SYNE2: variants seen among roughly 807,000 people sequenced by gnomAD.
The protein encoded by SYNE2 is spectrin repeat containing nuclear envelope protein 2, also known as nesprin-2.
In SYNE2, 431 loss-of-function variants were observed where a neutral mutation model predicts 856.3. The ratio of observed to expected loss-of-function variants is 0.50; its 90% CI spans 0.47 to 0.55. The LOEUF (loss-of-function observed/expected upper bound fraction) is 0.55. Ranked by LOEUF, SYNE2 falls within the 20% of genes least tolerant of loss-of-function variation. SYNE2 has a pLI of 0.00. For synonymous variants in SYNE2, 2,923 were observed against 2,872.3 expected, an observed-to-expected ratio of 1.02 and a Z score of -0.56; for missense variants, 8,129 against 8,023.2, an observed-to-expected ratio of 1.01 and a Z score of -0.50.
chr14:64,167,184 G>A, intron 90 of SYNE2, 49 bp from the exon 91 acceptor site: 1 of 1,612,164 alleles, frequency 6.2e-7, no homozygotes, highest in Non-Finnish European at 8.5e-7. Flanking sequence ...TTGTCATCTA[G>A]ATATCTTATT....
intron 11 of SYNE2, among the ~76,000 whole-genome samples, chr14:63,969,580 A>G (rs1482980175): frequency 6.6e-6 from 1 of 151,712 alleles, no homozygotes; most frequent in Non-Finnish European, 1.5e-5. Context: ...TGACCTCGTG[A>G]TCCACCCGCC....
Position 64,031,230 on chromosome 14 carries a change from G to C in SYNE2, c.7094G>C (p.Arg2365Pro), listed in dbSNP as rs1479401840. Residue 2365 changes from arginine (R) to proline (P), a missense_variant, in exon 45 of 116, where the codon CGC becomes CCC. This residue lies in a region of SYNE2 where 297 missense variants were observed against 380.9 expected (regional missense o/e 0.78). Transcript: ENST00000555002. ...CCLNSILKSK[R>P]STEKKGKFTL... is the part of the protein sequence containing the mutation. ...CTCAACAGCATTCTCAAATCAAAAC[G>C]CTCAACAGAAAAGAAAGGAAAGTTT... is the stretch of plus-strand genomic sequence containing the variant. 1 of 1,614,122 alleles carries C rather than the reference G, an allele frequency of 6.2e-7. No homozygotes were observed. The highest frequency in any genetic ancestry group is 8.5e-7 in the Non-Finnish European group (1 of 1,180,020).
intron 49 of SYNE2, 86 bp from the exon 50 acceptor site, chr14:64,062,665 G>A (rs184726627): frequency 2.3e-5 from 29 of 1,241,926 alleles, no homozygotes; most frequent in Non-Finnish European, 3.2e-5. Context: ...TAAAAATTAA[G>A]TGTGGAATAT....
Position 63,990,934 on chromosome 14 carries a change from T to G in SYNE2, c.2473-8T>G, listed in dbSNP as rs1226916181. The G allele has an allele frequency of 6.2e-7, 1 of 1,613,876 alleles. No individual in the cohort carries two copies. Among genetic ancestry groups the G allele is most frequent in the Non-Finnish European group, 8.5e-7 (1 of 1,179,786 alleles). On this transcript the variant is annotated splice_region_variant and splice_polypyrimidine_tract_variant and intron_variant, in intron 20 of 115. Coordinates refer to ENST00000555002, the MANE Select transcript of SYNE2 (RefSeq NM_182914.3). ...CCGTGTTAATTTGAGAATTTTTTTG[T>G]CTTCAAGATCAATGTGGTAAAACTC...
At chr14:64,086,134 G>A (rs999792901) in intron 57 of SYNE2, among the ~76,000 whole-genome samples, 62 of 152,296 alleles carry the variant, frequency 4.1e-4, no homozygotes, top group Non-Finnish European at 2.1e-4. Context: ...TAACTTGATA[G>A]TTTTAACTCT....
chr14:64,122,035 A>G lies in SYNE2; in HGVS notation c.13182A>G (p.Glu4394=). The G allele has an allele frequency of 1.9e-6, 3 of 1,613,826 alleles. No individual in the cohort carries two copies. Among genetic ancestry groups the G allele is most frequent in the Non-Finnish European group, 2.5e-6 (3 of 1,180,004 alleles). ...QQQVLELKPM[E]QKDFIKFIEF... ...AGGTTCTGGAGTTAAAACCAATGGA[A>G]CAGAAAGATTTCATCAAATTCATAG... is the stretch of plus-strand genomic sequence containing the variant. The change falls in exon 69 of 116, where the codon GAA becomes GAG. Residue 4394 remains glutamate (E), a synonymous_variant. Coordinates refer to ENST00000555002, the MANE Select transcript of SYNE2 (RefSeq NM_182914.3).
At chr14:63,925,949 G>T (rs1434884660) in intron 2 of SYNE2, among the ~76,000 whole-genome samples, 1 of 151,954 alleles carries the variant, frequency 6.6e-6, no homozygotes, top group Admixed American at 6.6e-5. Flanking sequence ...TGCCTCCTGG[G>T]CTCAAGCGAT....
chr14:64,225,767 T>G lies in SYNE2; in HGVS notation c.*241T>G. ...GGGTATTTTGGCAGAACTAGTTGAT[T>G]AGTTTAGGGATCTCTGGAAATGTCA... On this transcript the variant is annotated 3_prime_UTR_variant, in exon 116 of 116. Coordinates refer to ENST00000555002, the MANE Select transcript of SYNE2 (RefSeq NM_182914.3). 2 of 601,986 alleles carry G rather than the reference T, an allele frequency of 3.3e-6. No individual in the cohort carries two copies. Among genetic ancestry groups the G allele is most frequent in the East Asian group, 5.5e-5 (2 of 36,238 alleles). 37.3% of individuals were successfully genotyped at this position (601,986 alleles called of 1,614,324 possible). A position where few individuals can be genotyped will look rare whatever the true frequency, so the allele number is the denominator to read the frequency against.
intron 1 of SYNE2, among the ~76,000 whole-genome samples, chr14:63,904,493 A>T (rs2095381114): frequency 6.7e-6 from 1 of 149,216 alleles, no homozygotes; most frequent in South Asian, 2.2e-4. Context: ...CTGTTTTTTG[A>T]CTTTTAGTAG....
intron 1 of SYNE2, among the ~76,000 whole-genome samples, chr14:63,829,806 C>T (rs1436099549): frequency 2.0e-5 from 3 of 151,722 alleles, no homozygotes; most frequent in Admixed American, 1.3e-4. Context: ...TTGGGGTAGA[C>T]GGGGGTCTCA....
At chr14:64,170,522 C>G in intron 94 of SYNE2, 60 bp downstream of exon 94, 1 of 1,483,382 alleles carries the variant, frequency 6.7e-7, no homozygotes, top group African/African-American at 1.4e-5. Context: ...GCAAGATGTT[C>G]ATTCACCTTT....
At position 64,062,740 on chromosome 14, in the gene SYNE2, T is replaced by C. The variant is rs1159399803; in HGVS notation, c.10068-11T>C. 1 of 1,611,322 alleles carries C rather than the reference T, an allele frequency of 6.2e-7. No individual in the cohort carries two copies. The highest frequency in any genetic ancestry group is 1.1e-5 in the South Asian group (1 of 91,000). ...TTTAATACCACTTTTTTTCTAACTGTGACTCACTAGGTATCTTGAGAATTA... is the reference window on the plus strand; with the variant it reads ...TTTAATACCACTTTTTTTCTAACTGCGACTCACTAGGTATCTTGAGAATTA... On this transcript the variant is annotated splice_polypyrimidine_tract_variant and intron_variant, in intron 49 of 115. Transcript: ENST00000555002.
intron 85 of SYNE2, among the ~76,000 whole-genome samples, chr14:64,154,792 CAAAAAAAA>C (rs34020154): frequency 1.1e-5 from 1 of 91,118 alleles, no homozygotes; most frequent in Admixed American, 1.2e-4. Context: ...GACCCTGTCT[CAAAAAAAA>C]AAAAAAAAAA....
At chr14:63,918,076 C>T (rs1278759146) in intron 2 of SYNE2, among the ~76,000 whole-genome samples, 1 of 152,084 alleles carries the variant, frequency 6.6e-6, no homozygotes, top group Non-Finnish European at 1.5e-5. Context: ...TAATTAGCCC[C>T]ATGAGATACA....
chr14:63,816,458 T>C (rs897327477), intron 1 of SYNE2, among the ~76,000 whole-genome samples: 1 of 152,124 alleles, frequency 6.6e-6, no homozygotes, highest in African/African-American at 2.4e-5. Flanking sequence ...CAAGACATGC[T>C]ACCCAAAATA....
chr14:64,016,612 T>C lies in SYNE2; in HGVS notation c.4868T>C (p.Ile1623Thr), dbSNP rs376885882. 3 of 1,597,488 alleles carry C rather than the reference T, an allele frequency of 1.9e-6. No individual in the cohort carries two copies. The highest frequency in any genetic ancestry group is 1.7e-6 in the Non-Finnish European group (2 of 1,168,578). ...EPPFEKEANI[I>T]VDRWLDINEK... Reference sequence around the variant, plus strand: ...CCTTTTGAAAAAGAGGCTAATATTATTGTGGATAGATGGCTTGATGTAAGT... The same window carrying C: ...CCTTTTGAAAAAGAGGCTAATATTACTGTGGATAGATGGCTTGATGTAAGT... The change falls in exon 33 of 116, where the codon ATT becomes ACT. Residue 1623 changes from isoleucine (I) to threonine (T), a missense_variant. Physicochemically the swap from Ile to Thr is moderately conservative, Grantham distance 89. Transcript: ENST00000555002.
intron 33 of SYNE2, 62 bp from the exon 34 acceptor site, chr14:64,017,533 A>C: frequency 7.4e-7 from 1 of 1,353,828 alleles, no homozygotes; most frequent in Admixed American, 1.7e-5. Context: ...TGTTTGGCTG[A>C]AACAGTGGTT....
At chr14:64,083,478 G>A (rs1180457172) in intron 57 of SYNE2, among the ~76,000 whole-genome samples, 1 of 151,266 alleles carries the variant, frequency 6.6e-6, no homozygotes, top group Non-Finnish European at 1.5e-5. Flanking sequence ...TGATACACAT[G>A]TAAAAATGTA....
intron 26 of SYNE2, 88 bp from the exon 27 acceptor site, chr14:63,998,826 G>A (rs1196416185): frequency 6.6e-7 from 1 of 1,504,186 alleles, no homozygotes; most frequent in Non-Finnish European, 9.2e-7. Context: ...GCCTCCCAAA[G>A]TGCTAGGATT....
Sources: allele counts gnomAD v4.1 joint callset (sites outside exome capture counted in the v4.1 genomes callset), GRCh38; gene constraint gnomAD v4.1.1; regional missense constraint gnomAD v4.1.1; transcripts MANE v1.5; gene names NCBI Gene and HGNC (gene_info 2026-07-23, HGNC 2026-07-21).